Variants in PITPNC1 observed in about 807,000 individuals in gnomAD.
The protein encoded by PITPNC1 is cytoplasmic phosphatidylinositol transfer protein 1.
PITPNC1 carries 18 observed loss-of-function variants against 44.7 expected under a neutral mutation model. That is an observed-to-expected ratio of 0.40 (90% CI 0.28 to 0.60). The LOEUF is 0.60. Ranked by LOEUF, PITPNC1 falls within the 20% of genes least tolerant of loss-of-function variation. PITPNC1 has a pLI of 0.39. For missense variants in PITPNC1, 290 were observed against 418.4 expected, an observed-to-expected ratio of 0.69 and a Z score of 2.68; for synonymous variants, 141 against 149.6, an observed-to-expected ratio of 0.94 and a Z score of 0.42.
At chr17:67,422,533 C>G (rs2038685451) in intron 1 of PITPNC1, among the ~76,000 whole-genome samples, 1 of 152,120 alleles carries the variant, frequency 6.6e-6, no homozygotes, top group African/African-American at 2.4e-5. Flanking sequence ...CCAGCCCTAG[C>G]TTGCTCACTG....
At chr17:67,536,702 G>A (rs1173510091) in intron 2 of PITPNC1, among the ~76,000 whole-genome samples, 1 of 152,090 alleles carries the variant, frequency 6.6e-6, no homozygotes, top group African/African-American at 2.4e-5. Flanking sequence ...AAATTTGGAT[G>A]GTAAAATAAA....
At chr17:67,426,023 G>C (rs955866228) in intron 1 of PITPNC1, among the ~76,000 whole-genome samples, 4 of 152,158 alleles carry the variant, frequency 2.6e-5, no homozygotes, top group African/African-American at 9.7e-5. Context: ...CCCTTTTGCT[G>C]ATCACTTCAT....
intron 6 of PITPNC1, among the ~76,000 whole-genome samples, chr17:67,665,330 T>C (rs2042406917): frequency 6.6e-6 from 1 of 152,192 alleles, no homozygotes; most frequent in South Asian, 2.1e-4. Context: ...TGGACTCAAG[T>C]GATCCACCTG....
chr17:67,523,673 C>G (rs567189264), intron 1 of PITPNC1, among the ~76,000 whole-genome samples: 1 of 152,156 alleles, frequency 6.6e-6, no homozygotes, highest in East Asian at 1.9e-4. Flanking sequence ...TGCTTTCCAT[C>G]ACAGCCCACT....
intron 5 of PITPNC1, among the ~76,000 whole-genome samples, chr17:67,595,252 T>G (rs2041444948): frequency 6.6e-6 from 1 of 152,192 alleles, no homozygotes; most frequent in Non-Finnish European, 1.5e-5. Flanking sequence ...TGGAAGGTTG[T>G]TTGTTAACTT....
At chr17:67,496,933 G>C (rs566881078) in intron 1 of PITPNC1, among the ~76,000 whole-genome samples, 197 of 151,592 alleles carry the variant, frequency 1.3e-3, no homozygotes, top group African/African-American at 4.3e-3. Context: ...AAAAAGTGCT[G>C]TTTTATCCTT....
chr17:67,473,085 C>T lies in PITPNC1; in HGVS notation c.49-59717C>T, dbSNP rs374947401. ...TAGAGAAGGGGTTTCACCATGTTAG[C>T]CAGGATGGTCGCGATCTCCTGACCT... is the stretch of plus-strand genomic sequence containing the variant. On this transcript the variant is annotated intron_variant, in intron 1 of 8. Transcript: ENST00000581322. 5.9e-5 allele frequency among the ~76,000 whole-genome samples: 9 copies of T among 151,962 alleles called. No homozygotes were observed. In the East Asian group the frequency reaches 1.4e-3, roughly 23 times the overall value.
chr17:67,568,997 G>A (rs1024613440), intron 4 of PITPNC1, among the ~76,000 whole-genome samples: 14 of 151,862 alleles, frequency 9.2e-5, no homozygotes, highest in South Asian at 2.1e-4. Context: ...CAGAAGTTTC[G>A]CACTTCCTGC....
chr17:67,589,236 A>C (rs1334032925), intron 5 of PITPNC1, among the ~76,000 whole-genome samples: 1 of 152,208 alleles, frequency 6.6e-6, no homozygotes, highest in East Asian at 1.9e-4. Flanking sequence ...ACATGAGCAA[A>C]AAGAATATCC....
In PITPNC1 at chr17:67,692,722, C is replaced by T. The variant is rs371721461; in HGVS notation, c.833C>T (p.Thr278Ile). 2 of 1,613,750 alleles carry T rather than the reference C, an allele frequency of 1.2e-6. No individual in the cohort carries two copies. The highest frequency in any genetic ancestry group is 1.7e-5 in the Admixed American group (1 of 59,988). ...AGTGCGCCTTCTAGTGCTCCATCCACCCCTCTCTCCACAGACGCACCCGAA... is the reference window on the plus strand; with the variant it reads ...AGTGCGCCTTCTAGTGCTCCATCCATCCCTCTCTCCACAGACGCACCCGAA... ...VRSAPSSAPS[T>I]PLSTDAPEFL... is the part of the protein sequence containing the mutation. Residue 278 changes from threonine (T) to isoleucine (I), a missense_variant, in exon 9 of 9, where the codon ACC becomes ATC. Thr to Ile is a moderately conservative substitution (Grantham distance 89). Transcript: ENST00000581322.
intron 1 of PITPNC1, among the ~76,000 whole-genome samples, chr17:67,435,891 G>A (rs1414636706): frequency 6.6e-6 from 1 of 152,176 alleles, no homozygotes; most frequent in Admixed American, 6.5e-5. Context: ...ATTTCAGCTA[G>A]TGATAAGTGG....
At chr17:67,428,211 G>A (rs1464575801) in intron 1 of PITPNC1, among the ~76,000 whole-genome samples, 3 of 152,068 alleles carry the variant, frequency 2.0e-5, no homozygotes, top group African/African-American at 4.8e-5. Flanking sequence ...GGAATATTTA[G>A]TGTTTACAGC....
chr17:67,634,034 C>T (rs548553815), intron 6 of PITPNC1, among the ~76,000 whole-genome samples: 29 of 152,324 alleles, frequency 1.9e-4, no homozygotes, highest in Admixed American at 4.6e-4. Flanking sequence ...GTGCCTGACT[C>T]ATTTCCCTGT....
intron 1 of PITPNC1, among the ~76,000 whole-genome samples, chr17:67,467,054 ATTTTTTTTTTTTT>A (rs10623552): frequency 1.0e-5 from 1 of 95,342 alleles, no homozygotes; most frequent in Non-Finnish European, 2.0e-5. Flanking sequence ...CAGTTAGGAG[ATTTTTTTTTTTTT>A]TTTTTTTTTT....
At chr17:67,565,372 C>T (rs1306994711) in intron 4 of PITPNC1, among the ~76,000 whole-genome samples, 2 of 147,558 alleles carry the variant, frequency 1.4e-5, no homozygotes, top group Non-Finnish European at 3.0e-5. Context: ...CCATGTTTTC[C>T]AGTGTGTATA....
intron 1 of PITPNC1, among the ~76,000 whole-genome samples, chr17:67,424,158 A>G (rs1385286164): frequency 6.6e-6 from 1 of 151,694 alleles, no homozygotes; most frequent in Non-Finnish European, 1.5e-5. Flanking sequence ...GGATGGACAG[A>G]GAAAAAGCAG....
intron 5 of PITPNC1, among the ~76,000 whole-genome samples, chr17:67,584,348 T>A (rs1455243387): frequency 6.6e-6 from 1 of 152,194 alleles, no homozygotes; most frequent in Non-Finnish European, 1.5e-5. Context: ...TCCAGTTTAG[T>A]TCCTGGAAAC....
At chr17:67,631,643 A>ATATATATATATATATAT (rs1158917120) in intron 5 of PITPNC1, among the ~76,000 whole-genome samples, 1 of 8,248 alleles carries the variant, frequency 1.2e-4, no homozygotes, top group Non-Finnish European at 3.2e-4. Context: ...ACCAAAAAAA[A>ATATATATATATATATAT]AAAAAAAAAA....
intron 1 of PITPNC1, among the ~76,000 whole-genome samples, chr17:67,453,359 A>G (rs1027172861): frequency 1.3e-5 from 2 of 152,038 alleles, no homozygotes; most frequent in African/African-American, 4.8e-5. Context: ...GAGGTAATGG[A>G]GAAAATATAG....
Sources: gnomAD v4.1 joint callset for allele counts (sites outside exome capture counted in the v4.1 genomes callset) on GRCh38, gnomAD v4.1.1 for gene constraint, MANE v1.5 for transcripts, NCBI Gene and HGNC (gene_info 2026-07-23, HGNC 2026-07-21) for gene names.